Variants in PDE1C observed in about 807,000 individuals in gnomAD.
PDE1C encodes the protein phosphodiesterase 1C.
A neutral mutation model predicts 93.1 loss-of-function variants in PDE1C; 62 were observed. The observed-to-expected ratio is 0.67, with a 90% CI of 0.54 to 0.82. PDE1C has a LOEUF of 0.82. Ranked by LOEUF, PDE1C falls within the 40% of genes least tolerant of loss-of-function variation. The pLI is 0.00. For synonymous variants in PDE1C, 325 were observed against 310.1 expected (o/e 1.05, Z -0.50); for missense variants, 742 against 884.6 (o/e 0.84, Z 2.04).
chr7:32,189,564 G>A (rs1162401143), intron 2 of PDE1C, among the ~76,000 whole-genome samples: 2 of 152,092 alleles, frequency 1.3e-5, no homozygotes, highest in Non-Finnish European at 2.9e-5. Flanking sequence ...AAGTTCCAGG[G>A]CTGATTTTTA....
intron 1 of PDE1C, among the ~76,000 whole-genome samples, chr7:32,380,697 C>G (rs1340403489): frequency 6.6e-6 from 1 of 152,054 alleles, no homozygotes; most frequent in Non-Finnish European, 1.5e-5. Flanking sequence ...CACTTGATCT[C>G]CACCCCCTTC....
At chr7:31,870,003 G>C (rs1795739998) in intron 6 of PDE1C, among the ~76,000 whole-genome samples, 1 of 151,956 alleles carries the variant, frequency 6.6e-6, no homozygotes, top group African/African-American at 2.4e-5. Flanking sequence ...ACATGTTCCT[G>C]ATTTACCATT....
At chr7:31,667,249 G>A in the PDE1C span, among the ~76,000 whole-genome samples, 2 of 152,166 alleles carry the variant, frequency 1.3e-5, no homozygotes, top group African/African-American at 2.4e-5. Flanking sequence ...CCCAGAATCT[G>A]AGGTGACAGT....
chr7:31,748,617 T>C (rs1370011856), downstream of PDE1C, among the ~76,000 whole-genome samples: 1 of 152,236 alleles, frequency 6.6e-6, no homozygotes, highest in African/African-American at 2.4e-5. Flanking sequence ...AAAAGTATAA[T>C]GAATACTCAT....
intron 2 of PDE1C, among the ~76,000 whole-genome samples, chr7:31,983,814 A>T (rs999620248): frequency 6.6e-6 from 1 of 152,120 alleles, no homozygotes; most frequent in Non-Finnish European, 1.5e-5. Context: ...AAAACCAACT[A>T]AAAAAGTATT....
chr7:31,937,206 A>G (rs941197637), intron 2 of PDE1C, among the ~76,000 whole-genome samples: 1 of 152,152 alleles, frequency 6.6e-6, no homozygotes, highest in Non-Finnish European at 1.5e-5. Context: ...CAGACTCTGG[A>G]AAAAAACTAG....
At chr7:31,959,037 A>G (rs1462882258) in intron 2 of PDE1C, among the ~76,000 whole-genome samples, 1 of 152,164 alleles carries the variant, frequency 6.6e-6, no homozygotes, top group Non-Finnish European at 1.5e-5. Context: ...CCAACAGAAA[A>G]TAAGAGTCCC....
At chr7:32,085,952 G>C (rs1004727382) in intron 3 of PDE1C, among the ~76,000 whole-genome samples, 1 of 150,982 alleles carries the variant, frequency 6.6e-6, no homozygotes, top group Non-Finnish European at 1.5e-5. Context: ...ACAAGACAGG[G>C]ATGCCCTCTC....
chr7:31,664,479 T>C, the PDE1C span, among the ~76,000 whole-genome samples: 5 of 152,166 alleles, frequency 3.3e-5, no homozygotes, highest in African/African-American at 1.2e-4. Flanking sequence ...CAGAACAAAA[T>C]AGAACATAAT....
chr7:32,391,557 A>C (rs1784751067), intron 1 of PDE1C, among the ~76,000 whole-genome samples: 1 of 152,212 alleles, frequency 6.6e-6, no homozygotes, highest in South Asian at 2.1e-4. Context: ...TTTCAAGTGC[A>C]CAGAGAACAT....
chr7:32,028,095 C>T (rs1307072340), intron 2 of PDE1C, among the ~76,000 whole-genome samples: 1 of 152,098 alleles, frequency 6.6e-6, no homozygotes, highest in African/African-American at 2.4e-5. Flanking sequence ...GAATTGCAGA[C>T]ATAATTTAAA....
chr7:31,801,695 T>A (rs1251751622), intron 16 of PDE1C, among the ~76,000 whole-genome samples: 1 of 151,528 alleles, frequency 6.6e-6, no homozygotes, highest in East Asian at 1.9e-4. Context: ...ATTCTCTTGA[T>A]AAACAGACAA....
intron 1 of PDE1C, among the ~76,000 whole-genome samples, chr7:32,381,924 A>G (rs990579679): frequency 1.3e-5 from 2 of 152,036 alleles, no homozygotes; most frequent in Non-Finnish European, 2.9e-5. Flanking sequence ...AACATAGAAG[A>G]CCCTCTAAAT....
At chr7:32,105,491 C>T (rs751585919) in intron 3 of PDE1C, among the ~76,000 whole-genome samples, 1 of 152,058 alleles carries the variant, frequency 6.6e-6, no homozygotes, top group Non-Finnish European at 1.5e-5. Context: ...TTTCCTTATC[C>T]CAATAAGACT....
intron 17 of PDE1C, among the ~76,000 whole-genome samples, chr7:31,765,210 T>G (rs1057318934): frequency 6.6e-6 from 1 of 152,196 alleles, no homozygotes; most frequent in African/African-American, 2.4e-5. Context: ...AAATCGGCTC[T>G]TTTTCAAACG....
intron 2 of PDE1C, among the ~76,000 whole-genome samples, chr7:31,973,546 T>C (rs558655977): frequency 3.9e-5 from 6 of 152,294 alleles, no homozygotes; most frequent in African/African-American, 1.2e-4. Flanking sequence ...ATGGATAGAA[T>C]TATAACACAA....
upstream of PDE1C, among the ~76,000 whole-genome samples, chr7:32,075,294 C>A (rs715455): frequency 0.084 from 12,825 of 152,216 alleles, 669 homozygotes; most frequent in Middle Eastern, 0.13. Flanking sequence ...ATCCATTTTT[C>A]ACGACTTGGC....
intron 1 of PDE1C, among the ~76,000 whole-genome samples, chr7:32,415,729 C>T (rs1048428503): frequency 6.6e-6 from 1 of 151,748 alleles, no homozygotes; most frequent in East Asian, 1.9e-4. Flanking sequence ...CAAAGCGCTA[C>T]GTCCTTTCCT....
chr7:32,090,276 A>T (rs1797396115), intron 3 of PDE1C, among the ~76,000 whole-genome samples: 1 of 152,196 alleles, frequency 6.6e-6, no homozygotes, highest in Admixed American at 6.5e-5. Flanking sequence ...TGAGTGCCTA[A>T]AGGGCTCTGC....
Sources: allele counts gnomAD v4.1 joint callset (sites outside exome capture counted in the v4.1 genomes callset), GRCh38; gene constraint gnomAD v4.1.1; transcripts MANE v1.5; gene names NCBI Gene and HGNC (gene_info 2026-07-23, HGNC 2026-07-21).